Variants in CACNA2D3 observed in about 807,000 individuals in gnomAD.
CACNA2D3 encodes the protein calcium voltage-gated channel auxiliary subunit alpha2delta 3, also known as voltage-dependent calcium channel subunit alpha-2/delta-3.
CACNA2D3 carries 60 observed loss-of-function variants against 160.6 expected under a neutral mutation model. The observed-to-expected ratio is 0.37, with a 90% CI of 0.30 to 0.46. CACNA2D3 has a LOEUF of 0.46. Among genes scored for constraint, CACNA2D3 ranks in the 20% least tolerant of loss-of-function variants. CACNA2D3 has a pLI of 1.00. For missense variants in CACNA2D3, 1,205 were observed against 1,365.0 expected (o/e 0.88, Z 1.85); for synonymous variants, 558 against 492.9 (o/e 1.13, Z -1.75).
At chr3:54,294,074 C>T (rs372746372) in intron 2 of CACNA2D3, among the ~76,000 whole-genome samples, 52 of 152,186 alleles carry the variant, frequency 3.4e-4, no homozygotes, top group South Asian at 1.5e-3. Flanking sequence ...AATTTGGAAG[C>T]AGTATGAAAT....
intron 13 of CACNA2D3, among the ~76,000 whole-genome samples, chr3:54,771,838 G>A (rs964603906): frequency 6.6e-6 from 1 of 152,064 alleles, no homozygotes; most frequent in African/African-American, 2.4e-5. Context: ...AAATCTTGGG[G>A]GCCATTTTTG....
At chr3:54,296,924 G>T (rs558841918) in intron 2 of CACNA2D3, among the ~76,000 whole-genome samples, 4 of 152,268 alleles carry the variant, frequency 2.6e-5, no homozygotes, top group Admixed American at 2.6e-4. Flanking sequence ...CTTGTGTCTG[G>T]GATGAACTCA....
chr3:54,350,972 TTTTTTTTTTGTTTG>T (rs1230333070), intron 3 of CACNA2D3, among the ~76,000 whole-genome samples: 1,242 of 47,006 alleles, frequency 0.026, 166 homozygotes, highest in Non-Finnish European at 0.031. Context: ...GAGTCTGTTT[TTTTTTTTTTGTTTG>T]TTTTTTTTTT....
Position 54,463,875 on chromosome 3 carries a change from C to T in CACNA2D3, c.382-39617C>T, listed in dbSNP as rs540158281. 1.2e-3 allele frequency among the ~76,000 whole-genome samples: 187 copies of T among 152,288 alleles called. 2 individuals carry two copies. The highest frequency in any genetic ancestry group is 4.1e-3 in the African/African-American group (170 of 41,566). ...CTTTTTAGAGTTTCCAGTTTTTCTGCTCTGTTTTTTCCCCATCTTTGTGGT... is the reference window on the plus strand; with the variant it reads ...CTTTTTAGAGTTTCCAGTTTTTCTGTTCTGTTTTTTCCCCATCTTTGTGGT... On this transcript the variant is annotated intron_variant, in intron 4 of 37. Transcript: ENST00000474759.
intron 13 of CACNA2D3, among the ~76,000 whole-genome samples, chr3:54,787,094 T>G (rs1029314603): frequency 6.6e-6 from 1 of 152,212 alleles, no homozygotes; most frequent in African/African-American, 2.4e-5. Context: ...TCCCTTCTTG[T>G]GGTTGTTTCC....
At chr3:54,204,348 A>G (rs1171715736) in intron 2 of CACNA2D3, among the ~76,000 whole-genome samples, 1 of 147,700 alleles carries the variant, frequency 6.8e-6, no homozygotes, top group African/African-American at 2.6e-5. Context: ...ATATAACCAT[A>G]TGTATATGGC....
intron 27 of CACNA2D3, among the ~76,000 whole-genome samples, chr3:54,904,186 C>G (rs906157877): frequency 4.6e-5 from 7 of 152,180 alleles, no homozygotes; most frequent in African/African-American, 1.7e-4. Flanking sequence ...TTTGCCTTAA[C>G]TTACTTATTG....
chr3:54,431,450 T>A (rs76400719), intron 4 of CACNA2D3, among the ~76,000 whole-genome samples: 8,785 of 152,090 alleles, frequency 0.058, 317 homozygotes, highest in Middle Eastern at 0.095. Flanking sequence ...TCACATTGAG[T>A]AGGCTGATTA....
At chr3:54,796,132 C>T (rs2106659149) in intron 13 of CACNA2D3, among the ~76,000 whole-genome samples, 1 of 152,240 alleles carries the variant, frequency 6.6e-6, no homozygotes, top group Non-Finnish European at 1.5e-5. Context: ...AAGGAGACCA[C>T]TTCATTTTTA....
chr3:54,362,470 G>A (rs1431640834), intron 3 of CACNA2D3, among the ~76,000 whole-genome samples: 1 of 152,130 alleles, frequency 6.6e-6, no homozygotes, highest in Non-Finnish European at 1.5e-5. Context: ...CTAATTGAGG[G>A]GTCGCTATCC....
intron 18 of CACNA2D3, among the ~76,000 whole-genome samples, chr3:54,876,668 G>A (rs1393044700): frequency 6.6e-6 from 1 of 152,216 alleles, no homozygotes. Context: ...CAGAGGCCTC[G>A]TTACCCTGGG....
intron 13 of CACNA2D3, among the ~76,000 whole-genome samples, chr3:54,815,034 C>T (rs1197603268): frequency 6.6e-6 from 1 of 152,258 alleles, no homozygotes; most frequent in Non-Finnish European, 1.5e-5. Context: ...AGGTTTGTTT[C>T]CTGTTGTGTG....
At chr3:54,430,988 G>A (rs1699981243) in intron 4 of CACNA2D3, among the ~76,000 whole-genome samples, 1 of 152,106 alleles carries the variant, frequency 6.6e-6, no homozygotes, top group Admixed American at 6.6e-5. Context: ...TGTGTTATAT[G>A]TAGTATATAC....
At chr3:54,203,020 A>T (rs1701205832) in intron 2 of CACNA2D3, among the ~76,000 whole-genome samples, 2 of 152,216 alleles carry the variant, frequency 1.3e-5, no homozygotes, top group Non-Finnish European at 2.9e-5. Flanking sequence ...ACACACATGT[A>T]GAGCTTCTAG....
intron 2 of CACNA2D3, among the ~76,000 whole-genome samples, chr3:54,199,776 T>G (rs1311988858): frequency 6.6e-6 from 1 of 152,232 alleles, no homozygotes; most frequent in African/African-American, 2.4e-5. Context: ...CACTAGATTT[T>G]ATGGCAAATT....
chr3:54,602,711 G>C (rs1017719879), intron 9 of CACNA2D3, among the ~76,000 whole-genome samples: 3 of 152,064 alleles, frequency 2.0e-5, no homozygotes, highest in Non-Finnish European at 2.9e-5. Context: ...CTTCAAAAGA[G>C]TACTGACATA....
chr3:55,039,355 T>G (rs551166983), intron 35 of CACNA2D3, among the ~76,000 whole-genome samples: 2 of 152,106 alleles, frequency 1.3e-5, no homozygotes, highest in Non-Finnish European at 2.9e-5. Flanking sequence ...TCAGAAAAAT[T>G]CTGATTTGAT....
chr3:54,736,460 A>T (rs2107029701), intron 11 of CACNA2D3, among the ~76,000 whole-genome samples: 1 of 152,190 alleles, frequency 6.6e-6, no homozygotes, highest in African/African-American at 2.4e-5. Context: ...GCTGTGTCAA[A>T]GGTTATGCAC....
chr3:54,569,110 C>T lies in CACNA2D3; in HGVS notation c.677-685C>T, dbSNP rs561001179. Reference sequence around the variant, plus strand: ...CTTTCTTTTCAAATGATATTTTATTCTTAAAAACTAAGTTGGATATATCCT... The same window carrying T: ...CTTTCTTTTCAAATGATATTTTATTTTTAAAAACTAAGTTGGATATATCCT... On this transcript the variant is annotated intron_variant, in intron 6 of 37. Transcript: ENST00000474759. Among the ~76,000 whole-genome samples, 7 of 152,250 alleles carry T rather than the reference C, an allele frequency of 4.6e-5. 1 individual carries two copies. In the South Asian group the frequency reaches 1.5e-3, roughly 32 times the overall value.
Sources: allele counts gnomAD v4.1 joint callset (sites outside exome capture counted in the v4.1 genomes callset), GRCh38; gene constraint gnomAD v4.1.1; transcripts MANE v1.5; gene names NCBI Gene and HGNC (gene_info 2026-07-23, HGNC 2026-07-21).